Variants in EPHB2 observed in about 807,000 individuals in gnomAD.
The protein encoded by EPHB2 is EPH receptor B2, also known as ephrin type-B receptor 2.
In EPHB2, 18 loss-of-function variants were observed where a neutral mutation model predicts 96.4. The ratio of observed to expected loss-of-function variants is 0.19; its 90% CI spans 0.13 to 0.28. The LOEUF is 0.28. Ranked by LOEUF, EPHB2 falls within the 10% of genes least tolerant of loss-of-function variation. The pLI is 1.00. For missense variants in EPHB2, 989 were observed against 1,355.4 expected, an observed-to-expected ratio of 0.73 and a Z score of 4.25; for synonymous variants, 506 against 534.1, an observed-to-expected ratio of 0.95 and a Z score of 0.72.
chr1:22,747,174 A>G (rs77688564), intron 1 of EPHB2, among the ~76,000 whole-genome samples: 9,636 of 152,250 alleles, frequency 0.063, 853 homozygotes, highest in African/African-American at 0.2. Context: ...CTCAGGGTTC[A>G]GTCACCGGAC....
rs184165985 is a variant in EPHB2 at position 22,878,623 on chromosome 1, C to A, written c.1304-3736C>A. On this transcript the variant is annotated intron_variant, in intron 5 of 15. Coordinates refer to ENST00000374630, the MANE Select transcript of EPHB2 (RefSeq NM_017449.5). Reference sequence around the variant, plus strand: ...ATTTCCACTGCCTTCTCACAGCGTCCTGGCCAGGTGAGGGTTCCTACTTGA... The same window carrying A: ...ATTTCCACTGCCTTCTCACAGCGTCATGGCCAGGTGAGGGTTCCTACTTGA... 4.0e-3 allele frequency among the ~76,000 whole-genome samples: 612 copies of A among 152,348 alleles called. 1 individual carries two copies. Among genetic ancestry groups the A allele is most frequent in the Middle Eastern group, 0.024 (7 of 294 alleles).
intron 1 of EPHB2, among the ~76,000 whole-genome samples, chr1:22,745,000 C>T (rs773694161): frequency 1.3e-5 from 2 of 152,198 alleles, no homozygotes; most frequent in Admixed American, 1.3e-4. Flanking sequence ...CTTGCTGTCT[C>T]GAGTGTGGCA....
At position 22,790,057 on chromosome 1, in the gene EPHB2, C is replaced by T. The variant is rs1287634622; in HGVS notation, c.811+4981C>T. 6.6e-6 allele frequency among the ~76,000 whole-genome samples: 1 copy of T among 152,060 alleles called. No homozygotes were observed. Among genetic ancestry groups the T allele is most frequent in the Non-Finnish European group, 1.5e-5 (1 of 68,006 alleles). On this transcript the variant is annotated intron_variant, in intron 3 of 15. Transcript: ENST00000374630. The surrounding 1 kb of genome is among the most constrained non-coding windows in gnomAD (Gnocchi z 4.0). ...TGCTTTGAGAATATGAGGAAAAAGC[C>T]ATCTTGTATGACTGGGTATCTCAGA...
At chr1:22,859,833 G>A (rs866098929) in intron 3 of EPHB2, among the ~76,000 whole-genome samples, 2 of 152,270 alleles carry the variant, frequency 1.3e-5, no homozygotes, top group Middle Eastern at 3.4e-3. Context: ...GGTTTCTAGT[G>A]TATTCACAGA....
rs79225622 is a variant in EPHB2 at position 22,894,153 on chromosome 1, A to G, written c.1591+1107A>G. On this transcript the variant is annotated intron_variant, in intron 7 of 15. Coordinates refer to ENST00000374630, the MANE Select transcript of EPHB2 (RefSeq NM_017449.5). ...TTTCCATGTTGGGTGAGTGTCATTGACTGGGAACTAGGAGACTGTCCCAAG... is the reference window on the plus strand; with the variant it reads ...TTTCCATGTTGGGTGAGTGTCATTGGCTGGGAACTAGGAGACTGTCCCAAG... 1.4e-3 allele frequency among the ~76,000 whole-genome samples: 214 copies of G among 152,156 alleles called. 1 individual carries two copies. The highest frequency in any genetic ancestry group is 4.8e-3 in the African/African-American group (200 of 41,496).
intron 12 of EPHB2, 87 bp from the exon 13 acceptor site, chr1:22,908,935 A>T: frequency 6.3e-7 from 1 of 1,577,636 alleles, no homozygotes; most frequent in South Asian, 1.1e-5. Flanking sequence ...AGATTGGGGC[A>T]TCACAGGGCA....
intron 3 of EPHB2, among the ~76,000 whole-genome samples, chr1:22,806,816 G>A (rs1429607664): frequency 6.6e-6 from 1 of 152,252 alleles, no homozygotes; most frequent in Non-Finnish European, 1.5e-5. Context: ...GACAATTAGT[G>A]CTTTCAGCCC....
chr1:22,872,015 C>G (rs1268464059), intron 5 of EPHB2, among the ~76,000 whole-genome samples: 1 of 32,508 alleles, frequency 3.1e-5, no homozygotes, highest in Non-Finnish European at 1.5e-4. Context: ...GACTCCATCT[C>G]AAAGAAAAAA....
intron 3 of EPHB2, among the ~76,000 whole-genome samples, chr1:22,840,991 G>C (rs532303491): frequency 6.6e-6 from 1 of 152,172 alleles, no homozygotes; most frequent in Non-Finnish European, 1.5e-5. Context: ...TTAGCCACCT[G>C]AGGAGCTCAC....
At chr1:22,723,605 G>A (rs1387552083) in intron 1 of EPHB2, among the ~76,000 whole-genome samples, 1 of 152,264 alleles carries the variant, frequency 6.6e-6, no homozygotes, top group Non-Finnish European at 1.5e-5. Flanking sequence ...GCCAGGAGAG[G>A]GAGGAGATAT....
chr1:22,727,833 G>A (rs1005449297), intron 1 of EPHB2, among the ~76,000 whole-genome samples: 3 of 149,974 alleles, frequency 2.0e-5, no homozygotes, highest in Non-Finnish European at 3.0e-5. Context: ...ATGGAGATGG[G>A]GTCTCCTCTG....
At chr1:22,861,884 C>T (rs1296046422) in intron 3 of EPHB2, among the ~76,000 whole-genome samples, 5 of 152,224 alleles carry the variant, frequency 3.3e-5, no homozygotes, top group African/African-American at 1.2e-4. Flanking sequence ...CCACAGCACC[C>T]AGGCATAAAA....
At chr1:22,752,782 T>C (rs1644084341) in intron 1 of EPHB2, among the ~76,000 whole-genome samples, 2 of 152,040 alleles carry the variant, frequency 1.3e-5, no homozygotes, top group East Asian at 1.9e-4. Context: ...CACACACACA[T>C]GCACACACAC....
intron 5 of EPHB2, among the ~76,000 whole-genome samples, chr1:22,866,744 G>A (rs1210844141): frequency 6.6e-6 from 1 of 152,070 alleles, no homozygotes; most frequent in Non-Finnish European, 1.5e-5. Flanking sequence ...GACCAACCTG[G>A]CCAACATGGT....
intron 3 of EPHB2, among the ~76,000 whole-genome samples, chr1:22,787,408 C>T (rs917730050): frequency 2.6e-5 from 4 of 152,042 alleles, no homozygotes; most frequent in Admixed American, 1.3e-4. Flanking sequence ...CTGTGACAGG[C>T]GGGGTGTTCA....
intron 3 of EPHB2, among the ~76,000 whole-genome samples, chr1:22,794,731 C>A (rs1180402489): frequency 6.6e-6 from 1 of 152,152 alleles, no homozygotes; most frequent in East Asian, 1.9e-4. Flanking sequence ...AGGGTTAGAA[C>A]CCAGGGCATC....
intron 1 of EPHB2, among the ~76,000 whole-genome samples, chr1:22,777,312 G>A (rs949991091): frequency 6.6e-6 from 1 of 152,196 alleles, no homozygotes; most frequent in Non-Finnish European, 1.5e-5. Flanking sequence ...GGCTTTGGAA[G>A]CCTCAACTTT....
At chr1:22,764,283 A>G (rs1644275860) in intron 1 of EPHB2, among the ~76,000 whole-genome samples, 1 of 152,246 alleles carries the variant, frequency 6.6e-6, no homozygotes, top group African/African-American at 2.4e-5. Flanking sequence ...ACCACGGTCA[A>G]TATTTTACTG....
chr1:22,807,309 T>G (rs990912207), intron 3 of EPHB2, among the ~76,000 whole-genome samples: 1 of 152,216 alleles, frequency 6.6e-6, no homozygotes, highest in Non-Finnish European at 1.5e-5. Flanking sequence ...GAGCACCTGC[T>G]GTATGTTAGG....
Sources: allele counts gnomAD v4.1 joint callset (sites outside exome capture counted in the v4.1 genomes callset), GRCh38; gene constraint gnomAD v4.1.1; non-coding constraint Gnocchi (gnomAD v3.1); transcripts MANE v1.5; gene names NCBI Gene and HGNC (gene_info 2026-07-23, HGNC 2026-07-21).